The following HSP90AA1 variants were observed in gnomAD, a reference collection of about 807,000 sequenced individuals.
HSP90AA1 encodes the protein heat shock protein 90 alpha family class A member 1.
Under a neutral mutation model 73.3 loss-of-function variants are expected in HSP90AA1, and 18 were observed. That is an observed-to-expected ratio of 0.25 (90% CI 0.17 to 0.36). The LOEUF is 0.36. HSP90AA1 is among the 10% of genes least tolerant of loss of function. HSP90AA1 has a pLI of 1.00. For missense variants in HSP90AA1, 704 were observed against 874.2 expected, an observed-to-expected ratio of 0.81 and a Z score of 2.45; for synonymous variants, 477 against 296.9, an observed-to-expected ratio of 1.61 and a Z score of -6.24.
intron 1 of HSP90AA1, among the ~76,000 whole-genome samples, chr14:102,127,755 G>A (rs558246934): frequency 2.0e-5 from 3 of 152,032 alleles, no homozygotes; most frequent in African/African-American, 4.8e-5. Flanking sequence ...GGGCTCAAGC[G>A]ATCCTCCCAA....
At chr14:102,114,380 A>G (rs1316584449) in intron 1 of HSP90AA1, among the ~76,000 whole-genome samples, 1 of 152,198 alleles carries the variant, frequency 6.6e-6, no homozygotes, top group East Asian at 1.9e-4. Context: ...CTTATGACTA[A>G]GAGTAGAGGA....
chr14:102,128,832 ACTT>A (rs147394572), intron 1 of HSP90AA1, among the ~76,000 whole-genome samples: 12,098 of 152,000 alleles, frequency 0.08, 897 homozygotes, highest in African/African-American at 0.2. Flanking sequence ...GAGAAGAGGT[ACTT>A]CTTCTTTTAA....
chr14:102,134,322 C>CA (rs57081266), intron 1 of HSP90AA1, among the ~76,000 whole-genome samples: 762 of 68,566 alleles, frequency 0.011, 7 homozygotes, highest in Middle Eastern at 0.025. Flanking sequence ...GGCTCTGTCT[C>CA]AAAAAAAAAA....
At chr14:102,117,981 G>A (rs1056279414) in intron 1 of HSP90AA1, among the ~76,000 whole-genome samples, 1 of 152,208 alleles carries the variant, frequency 6.6e-6, no homozygotes, top group Non-Finnish European at 1.5e-5. Context: ...CTTGTAGAGA[G>A]CCATTGCCTG....
upstream of HSP90AA1, among the ~76,000 whole-genome samples, chr14:102,091,534 G>A (rs2049358022): frequency 6.6e-6 from 1 of 151,982 alleles, no homozygotes; most frequent in African/African-American, 2.4e-5. Flanking sequence ...GCTGAGGCAG[G>A]ACAATTGCTT....
chr14:102,130,265 G>T (rs185423400), intron 1 of HSP90AA1, among the ~76,000 whole-genome samples: 1 of 152,008 alleles, frequency 6.6e-6, no homozygotes, highest in African/African-American at 2.4e-5. Flanking sequence ...CACTGCGCCC[G>T]GCCGTGTGAA....
Position 102,086,470 on chromosome 14 carries a change from G to A in HSP90AA1, c.1-92C>T, listed in dbSNP as rs1048203462. 6 of 1,420,448 alleles carry A rather than the reference G, an allele frequency of 4.2e-6. No homozygotes were observed. In the Admixed American group the frequency reaches 5.0e-5, roughly 12 times the overall value. The allele number at this position is 1,420,448 out of a possible 1,614,324, so 88.0% of individuals were successfully genotyped here. A position where few individuals can be genotyped will look rare whatever the true frequency, so the allele number is the denominator to read the frequency against. On this transcript the variant is annotated intron_variant, in intron 1 of 10. Transcript: ENST00000216281. ...GCGTTCTCCAAATATTTTTAAAGCCGAATTGGAGATTTGCGAAGTTTAAGT... is the reference window on the plus strand; with the variant it reads ...GCGTTCTCCAAATATTTTTAAAGCCAAATTGGAGATTTGCGAAGTTTAAGT...
intron 1 of HSP90AA1, among the ~76,000 whole-genome samples, chr14:102,134,378 G>C (rs2049952885): frequency 6.7e-6 from 1 of 148,326 alleles, no homozygotes; most frequent in Admixed American, 6.7e-5. Context: ...CTGGAATGGA[G>C]AATTTATGCA....
chr14:102,110,433 TG>T (rs1439754024), intron 1 of HSP90AA1, among the ~76,000 whole-genome samples: 5 of 148,118 alleles, frequency 3.4e-5, no homozygotes, highest in Non-Finnish European at 5.9e-5. Flanking sequence ...TTTGTTTGTT[TG>T]TTTTTGAGAG....
At chr14:102,084,144 A>T (rs891715447) in intron 6 of HSP90AA1, 161 bp from the exon 7 acceptor site, 1 of 726,756 alleles carries the variant, frequency 1.4e-6, no homozygotes, top group East Asian at 2.7e-5. Context: ...ATCTCCACTC[A>T]CTGCAACCTC....
intron 5 of HSP90AA1, 31 bp downstream of exon 5, chr14:102,084,650 G>C (rs2152611425): frequency 1.2e-6 from 2 of 1,614,022 alleles, no homozygotes; most frequent in Non-Finnish European, 1.7e-6. Context: ...ATAATCTAAG[G>C]ACAAGCTTGA....
At chr14:102,116,473 G>A (rs1488223136) in intron 1 of HSP90AA1, among the ~76,000 whole-genome samples, 2 of 152,174 alleles carry the variant, frequency 1.3e-5, no homozygotes, top group Admixed American at 6.5e-5. Flanking sequence ...GGGCAGCTGC[G>A]GGAGCAGGAA....
chr14:102,084,189 T>A (rs2049166123), intron 6 of HSP90AA1: 1 of 674,160 alleles, frequency 1.5e-6, no homozygotes, highest in Admixed American at 2.5e-5. Context: ...TTTTCATGCC[T>A]CAGCCTGCCA....
At chr14:102,120,755 C>T (rs1339710162) in intron 1 of HSP90AA1, among the ~76,000 whole-genome samples, 1 of 151,710 alleles carries the variant, frequency 6.6e-6, no homozygotes, top group Admixed American at 6.6e-5. Flanking sequence ...CCAGCCTGGC[C>T]AACATGGTGA....
intron 2 of HSP90AA1, among the ~76,000 whole-genome samples, chr14:102,094,695 G>A (rs1030131755): frequency 6.6e-6 from 1 of 152,236 alleles, no homozygotes; most frequent in Non-Finnish European, 1.5e-5. Flanking sequence ...TGGGTAGGGG[G>A]ACACGGAGCC....
chr14:102,093,048 A>G (rs1445006117), intron 2 of HSP90AA1, among the ~76,000 whole-genome samples: 1 of 152,064 alleles, frequency 6.6e-6, no homozygotes, highest in Non-Finnish European at 1.5e-5. Context: ...CCCAGCCAAC[A>G]GCTGTTTTTA....
In HSP90AA1 at chr14:102,081,458, C is replaced by T. The variant is rs1034401938; in HGVS notation, c.*254G>A. Reference sequence around the variant, plus strand: ...CACAAAGTTAACATCATGTTACATACGTCTTACAGTGCACGTTACCCCAAT... The same window carrying T: ...CACAAAGTTAACATCATGTTACATATGTCTTACAGTGCACGTTACCCCAAT... On this transcript the variant is annotated 3_prime_UTR_variant, in exon 11 of 11. Transcript: ENST00000216281. 7.8e-5 allele frequency: 43 copies of T among 554,618 alleles called. No individual in the cohort carries two copies. The highest frequency in any genetic ancestry group is 2.1e-4 in the South Asian group (10 of 47,544). The allele number at this position is 554,618 out of a possible 1,614,324, so 34.4% of individuals were successfully genotyped here. A position where few individuals can be genotyped will look rare whatever the true frequency, so the allele number is the denominator to read the frequency against.
chr14:102,081,272 G>A lies in HSP90AA1; in HGVS notation c.*440C>T, dbSNP rs1034346315. 2.1e-5 allele frequency: 6 copies of A among 281,474 alleles called. No homozygotes were observed. The highest frequency in any genetic ancestry group is 4.3e-5 in the African/African-American group (2 of 46,154). The allele number at this position is 281,474 out of a possible 1,614,324, so 17.4% of individuals were successfully genotyped here. ...AGTTTAACCTATTTCTAGAGGACTA[G>A]TACATGCAGAATTGTCAACTACAGG... is the stretch of plus-strand genomic sequence containing the variant. On this transcript the variant is annotated 3_prime_UTR_variant, in exon 11 of 11. Transcript: ENST00000216281.
chr14:102,090,377 A>C (rs2049337982), upstream of HSP90AA1, among the ~76,000 whole-genome samples: 1 of 151,900 alleles, frequency 6.6e-6, no homozygotes, highest in African/African-American at 2.4e-5. Context: ...CTAGCCCTCC[A>C]ACCCCAAGTT....
Sources: allele counts gnomAD v4.1 joint callset (sites outside exome capture counted in the v4.1 genomes callset), GRCh38; gene constraint gnomAD v4.1.1; transcripts MANE v1.5; gene names NCBI Gene and HGNC (gene_info 2026-07-23, HGNC 2026-07-21).